PRTG: variants seen among roughly 807,000 people sequenced by gnomAD.
PRTG encodes the protein immunoglobulin superfamily, DCC subclass, member 5.
A neutral mutation model predicts 122.5 loss-of-function variants in PRTG; 67 were observed. The ratio of observed to expected loss-of-function variants is 0.55; its 90% CI spans 0.45 to 0.67. PRTG has a LOEUF of 0.67. PRTG is among the 30% of genes least tolerant of loss of function. PRTG has a pLI of 0.00. For missense variants in PRTG, 1,435 were observed against 1,415.4 expected (o/e 1.01, Z -0.22); for synonymous variants, 554 against 501.1 (o/e 1.11, Z -1.41).
intron 14 of PRTG, among the ~76,000 whole-genome samples, chr15:55,637,942 C>T (rs2059266986): frequency 6.6e-6 from 1 of 152,108 alleles, no homozygotes; most frequent in South Asian, 2.1e-4. Flanking sequence ...ATTGCCAAAA[C>T]CATAGCAACA....
At position 55,677,791 on chromosome 15, in the gene PRTG, G is replaced by A. The variant is rs753523485; in HGVS notation, c.1381+6C>T. The A allele has an allele frequency of 5.0e-6, 8 of 1,612,080 alleles. No individual in the cohort carries two copies. In the East Asian group the frequency reaches 1.1e-4, roughly 22 times the overall value. On this transcript the variant is annotated splice_donor_region_variant and intron_variant, in intron 8 of 19. Transcript: ENST00000389286. ...CTTAAAAATAAGCACTCCTAAAATC[G>A]CTTACCTTCTGCTTTCATGTAGTGT... is the stretch of plus-strand genomic sequence containing the variant.
intron 18 of PRTG, among the ~76,000 whole-genome samples, chr15:55,623,394 C>T (rs1430102998): frequency 2.0e-5 from 3 of 152,112 alleles, no homozygotes; most frequent in Non-Finnish European, 2.9e-5. Flanking sequence ...ACGGTGAAAC[C>T]CCATCTCTAC....
intron 2 of PRTG, among the ~76,000 whole-genome samples, chr15:55,714,995 T>C (rs182931561): frequency 6.6e-6 from 1 of 152,174 alleles, no homozygotes; most frequent in Non-Finnish European, 1.5e-5. Context: ...CTGAATACAA[T>C]CAGAAAATAT....
chr15:55,618,676 A>C lies in PRTG; in HGVS notation c.*1336T>G, dbSNP rs2059151020. The C allele has an allele frequency of 6.6e-6, 1 of 152,192 alleles. No individual in the cohort carries two copies. The highest frequency in any genetic ancestry group is 6.5e-5 in the Admixed American group (1 of 15,270). The allele number at this position is 152,192 out of a possible 1,614,324, so 9.4% of individuals were successfully genotyped here. ...ACCATATTCTCTAAAGAATTCAAGA[A>C]AACACAAGTAGGGTGGTAGAACTCT... is the stretch of plus-strand genomic sequence containing the variant. On this transcript the variant is annotated 3_prime_UTR_variant, in exon 20 of 20. Transcript: ENST00000389286.
At position 55,611,721 on chromosome 15, in the gene PRTG, T is replaced by C. The variant is rs1295546620; in HGVS notation, c.*8291A>G. 5 of 150,082 alleles carry C rather than the reference T, an allele frequency of 3.3e-5. No homozygotes were observed. Among genetic ancestry groups the C allele is most frequent in the African/African-American group, 9.8e-5 (4 of 40,778 alleles). The allele number at this position is 150,082 out of a possible 1,614,324, so 9.3% of individuals were successfully genotyped here. ...TACTAAGCAATATTTACTATGATAC[T>C]AGAAAAAAAAAAACAAATCTACATT... On this transcript the variant is annotated 3_prime_UTR_variant, in exon 20 of 20. Transcript: ENST00000389286.
At chr15:55,654,959 T>C (rs1275403852) in intron 11 of PRTG, 3 of 152,148 alleles carry the variant, frequency 2.0e-5, no homozygotes, top group Admixed American at 1.3e-4. Context: ...CCTTCAAATC[T>C]CAACCCTCAG....
chr15:55,638,352 A>T (rs1306094708), intron 14 of PRTG, among the ~76,000 whole-genome samples, 197 bp downstream of exon 14: 1 of 152,210 alleles, frequency 6.6e-6, no homozygotes, highest in African/African-American at 2.4e-5. Flanking sequence ...TGCACAATAC[A>T]CACACTGAGA....
At chr15:55,684,282 G>A (rs1359582418) in intron 2 of PRTG, among the ~76,000 whole-genome samples, 1 of 152,194 alleles carries the variant, frequency 6.6e-6, no homozygotes, top group Non-Finnish European at 1.5e-5. Flanking sequence ...AGAGGAGAGG[G>A]AAACAAATAA....
At chr15:55,647,538 T>G (rs2059330887) in intron 11 of PRTG, among the ~76,000 whole-genome samples, 1 of 152,198 alleles carries the variant, frequency 6.6e-6, no homozygotes. Context: ...CCTCATTTAT[T>G]TTGACTTGGA....
intron 2 of PRTG, among the ~76,000 whole-genome samples, chr15:55,698,607 C>A (rs1157204729): frequency 6.6e-6 from 1 of 152,088 alleles, no homozygotes; most frequent in Non-Finnish European, 1.5e-5. Flanking sequence ...ATTACTTCTT[C>A]TGGGGTAGGG....
chr15:55,672,501 T>A lies in PRTG; in HGVS notation c.1985A>T (p.Glu662Val), dbSNP rs1297032335. 6.2e-7 allele frequency: 1 copy of A among 1,614,156 alleles called. No homozygotes were observed. The highest frequency in any genetic ancestry group is 8.5e-7 in the Non-Finnish European group (1 of 1,180,018). The change falls in exon 11 of 20, where the codon GAG (glutamate) becomes GTG (valine). Residue 662 changes from glutamate to valine, a missense_variant. Transcript: ENST00000389286. ...GGTATCCAAGAAAATGGGCCCATTC[T>A]CCTGCTGCCCTTCTTCCTTGTAGTA... The part of the protein sequence containing the change: ...KLYYKEEGQQ[E>V]NGPIFLDTKD...
chr15:55,718,005 A>G (rs969078247), intron 2 of PRTG, among the ~76,000 whole-genome samples: 3 of 152,194 alleles, frequency 2.0e-5, no homozygotes, highest in African/African-American at 7.2e-5. Context: ...AGAAAGATCC[A>G]CCTACGACCT....
chr15:55,691,510 G>A (rs1184438761), intron 2 of PRTG, among the ~76,000 whole-genome samples: 3 of 151,356 alleles, frequency 2.0e-5, no homozygotes, highest in South Asian at 2.1e-4. Context: ...GTGAAACCCT[G>A]TCTCCACTAA....
intron 2 of PRTG, among the ~76,000 whole-genome samples, chr15:55,684,658 G>A (rs1261472850): frequency 1.3e-5 from 2 of 151,852 alleles, no homozygotes; most frequent in Non-Finnish European, 2.9e-5. Context: ...CAAGTCAAAA[G>A]TCCAATAGGC....
chr15:55,738,071 A>AATATAAATATATATATATAT (rs1555438621), intron 2 of PRTG: 1 of 105,440 alleles, frequency 9.5e-6, no homozygotes. Flanking sequence ...TCTTCCTGTA[A>AATATAAATATATATATATAT]ATATATATAT....
At chr15:55,720,260 G>A (rs1320100825) in intron 2 of PRTG, among the ~76,000 whole-genome samples, 51 of 151,022 alleles carry the variant, frequency 3.4e-4, no homozygotes, top group African/African-American at 1.2e-3. Context: ...GGCTGGGGCA[G>A]GGAGAATTGC....
At chr15:55,634,141 C>A (rs2059243434) in intron 15 of PRTG, among the ~76,000 whole-genome samples, 1 of 134,940 alleles carries the variant, frequency 7.4e-6, no homozygotes, top group Non-Finnish European at 1.5e-5. Flanking sequence ...TATCTCGGTT[C>A]ACCACAACCT....
rs566459361 is a variant in PRTG at position 55,622,552 on chromosome 15, T to C, written c.3094-1785A>G. On this transcript the variant is annotated intron_variant, in intron 18 of 19. Transcript: ENST00000389286. ...GCGCCTACTACCATGACCGGCTAAT[T>C]TTTTTTTTTTTTAAATTTTTAGTAG... Among the ~76,000 whole-genome samples the C allele has an allele frequency of 4.3e-4, 4 of 9,266 alleles. No individual in the cohort carries two copies. The South Asian group carries it at 0.11, about 244-fold the overall frequency. 6.1% of individuals were successfully genotyped at this position (9,266 alleles called of 152,430 possible). A position where few individuals can be genotyped will look rare whatever the true frequency, so the allele number is the denominator to read the frequency against.
chr15:55,670,897 TCACAAACACACACACA>T (rs1276888102), intron 11 of PRTG, among the ~76,000 whole-genome samples: 5 of 102,028 alleles, frequency 4.9e-5, no homozygotes, highest in Non-Finnish European at 3.8e-5. Flanking sequence ...TAAAACTCCG[TCACAAACACACACACA>T]CACACACACA....
Sources: allele counts gnomAD v4.1 joint callset (sites outside exome capture counted in the v4.1 genomes callset), GRCh38; gene constraint gnomAD v4.1.1; transcripts MANE v1.5; gene names NCBI Gene and HGNC (gene_info 2026-07-23, HGNC 2026-07-21).